The following QTGAL variants were observed in gnomAD, a reference collection of about 807,000 sequenced individuals.
QTGAL encodes the protein BGnT-like protein 1.
chr17:82,974,003 C>T, the QTGAL span, among the ~76,000 whole-genome samples: 1 of 152,146 alleles, frequency 6.6e-6, no homozygotes, highest in African/African-American at 2.4e-5. Context: ...CCATGGGGCG[C>T]GTTTCACCGT....
chr17:83,047,388 A>G, the QTGAL span, among the ~76,000 whole-genome samples: 1 of 152,224 alleles, frequency 6.6e-6, no homozygotes. Context: ...GTGGGCACAG[A>G]CATTCAGATC....
chr17:83,032,188 A>G, the QTGAL span, among the ~76,000 whole-genome samples: 1 of 104,468 alleles, frequency 9.6e-6, no homozygotes, highest in Non-Finnish European at 1.9e-5. Context: ...GGAGCTGAAC[A>G]ACGGGTCAGA....
the QTGAL span, among the ~76,000 whole-genome samples, chr17:82,959,423 ATG>A: frequency 6.0e-5 from 9 of 150,804 alleles, no homozygotes; most frequent in South Asian, 1.7e-3. Context: ...TCGTGCACGT[ATG>A]TGTGTGCATG....
At chr17:82,971,029 G>A in the QTGAL span, among the ~76,000 whole-genome samples, 6 of 152,260 alleles carry the variant, frequency 3.9e-5, no homozygotes, top group East Asian at 1.9e-4. Flanking sequence ...GGCGCAGTGC[G>A]TTCCTGCGAG....
chr17:83,042,136 G>A, the QTGAL span, among the ~76,000 whole-genome samples: 3 of 152,232 alleles, frequency 2.0e-5, no homozygotes, highest in Non-Finnish European at 4.4e-5. Context: ...GGAGGCCAAG[G>A]TGGGTGGATC....
At chr17:83,020,157 G>A in the QTGAL span, among the ~76,000 whole-genome samples, 1 of 151,990 alleles carries the variant, frequency 6.6e-6, no homozygotes, top group African/African-American at 2.4e-5. Flanking sequence ...AAATTATTCA[G>A]AATTCAGCAT....
the QTGAL span, among the ~76,000 whole-genome samples, chr17:83,045,065 G>T: frequency 6.6e-6 from 1 of 152,104 alleles, no homozygotes; most frequent in African/African-American, 2.4e-5. Flanking sequence ...AACTATTAAA[G>T]CTAATAAACT....
At chr17:83,029,577 C>G in the QTGAL span, among the ~76,000 whole-genome samples, 1 of 152,262 alleles carries the variant, frequency 6.6e-6, no homozygotes, top group South Asian at 2.1e-4. Context: ...ACAAAAAATA[C>G]AGGTGTGGAG....
chr17:83,015,686 G>A, the QTGAL span, among the ~76,000 whole-genome samples: 1 of 152,222 alleles, frequency 6.6e-6, no homozygotes, highest in South Asian at 2.1e-4. The surrounding 1 kb of genome is among the most constrained non-coding windows in gnomAD (Gnocchi z 4.4). Context: ...AGCGGCGGCC[G>A]GGCGAGCGTC....
the QTGAL span, chr17:82,942,318 A>C: frequency 7.1e-5 from 96 of 1,357,262 alleles, no homozygotes; most frequent in African/African-American, 1.1e-3. Context: ...GGTGTGTGGG[A>C]AACGGCACAA....
the QTGAL span, among the ~76,000 whole-genome samples, chr17:83,039,046 C>G: frequency 6.6e-6 from 1 of 152,110 alleles, no homozygotes; most frequent in Non-Finnish European, 1.5e-5. Context: ...TCCAAATACA[C>G]AAGACGATGA....
At chr17:83,013,530 C>G in the QTGAL span, among the ~76,000 whole-genome samples, 3 of 150,536 alleles carry the variant, frequency 2.0e-5, no homozygotes, top group Non-Finnish European at 3.0e-5. Context: ...CCCGACCCCC[C>G]ACAGGGTGAA....
the QTGAL span, among the ~76,000 whole-genome samples, chr17:83,023,271 C>T: frequency 1.8e-5 from 1 of 56,182 alleles, no homozygotes; most frequent in Non-Finnish European, 3.1e-5. Flanking sequence ...ACTGTCCCCG[C>T]CCCACCTGCA....
chr17:83,038,822 G>A, the QTGAL span, among the ~76,000 whole-genome samples: 6 of 151,510 alleles, frequency 4.0e-5, no homozygotes, highest in South Asian at 2.1e-4. Flanking sequence ...TCGCGCCACC[G>A]CACTCCAGCC....
chr17:82,956,810 G>T, the QTGAL span: 1 of 1,552,268 alleles, frequency 6.4e-7, no homozygotes, highest in East Asian at 2.4e-5. This position sits in a 1 kb window ranked among gnomAD's most constrained non-coding sequence, Gnocchi z 5.7. Flanking sequence ...CGAGCCTGGA[G>T]CTTGTCCCCG....
At chr17:82,954,983 A>G in the QTGAL span, among the ~76,000 whole-genome samples, 7 of 152,248 alleles carry the variant, frequency 4.6e-5, no homozygotes, top group African/African-American at 1.7e-4. Context: ...AATTAACTCA[A>G]GATGGATTAA....
At chr17:82,947,068 G>A in the QTGAL span, 4 of 1,237,122 alleles carry the variant, frequency 3.2e-6, no homozygotes, top group Admixed American at 6.5e-5. Context: ...CAGGGGTTGG[G>A]GGTGGCCTGT....
the QTGAL span, among the ~76,000 whole-genome samples, chr17:83,042,192 C>T: frequency 6.6e-6 from 1 of 150,402 alleles, no homozygotes; most frequent in Admixed American, 6.6e-5. Flanking sequence ...CAGGACAAAA[C>T]CCCCTCTCTA....
At chr17:82,996,562 A>G in the QTGAL span, among the ~76,000 whole-genome samples, 386 of 151,986 alleles carry the variant, frequency 2.5e-3, 2 homozygotes, top group African/African-American at 8.7e-3. Context: ...CCTAAAATTT[A>G]TATGAAACCA....
Sources: gnomAD v4.1 joint callset for allele counts (sites outside exome capture counted in the v4.1 genomes callset) on GRCh38, gnomAD v4.1.1 for gene constraint, Gnocchi (gnomAD v3.1) non-coding constraint, MANE v1.5 for transcripts, NCBI Gene and HGNC (gene_info 2026-07-23, HGNC 2026-07-21) for gene names.